CCR6: variants seen among roughly 807,000 people sequenced by gnomAD.
The protein encoded by CCR6 is C-C motif chemokine receptor 6.
In CCR6, 2 loss-of-function variants were observed where a neutral mutation model predicts 3.0. That is an observed-to-expected ratio of 0.66 (90% CI 0.27 to 2.07). The LOEUF is 2.07. CCR6 is among the 30% of genes most tolerant of loss of function. The pLI, the probability that CCR6 is intolerant of heterozygous loss-of-function variation, is 0.14. For missense variants in CCR6, 322 were observed against 462.8 expected, an observed-to-expected ratio of 0.70 and a Z score of 2.79; for synonymous variants, 193 against 184.3, an observed-to-expected ratio of 1.05 and a Z score of -0.38.
chr6:167,115,955 C>T (rs1165918000), intron 1 of CCR6: 4 of 152,132 alleles, frequency 2.6e-5, no homozygotes, highest in African/African-American at 9.7e-5. Context: ...AATTTGAGAC[C>T]TCAAAGAAGA....
intron 1 of CCR6, among the ~76,000 whole-genome samples, chr6:167,114,794 G>A (rs1190809689): frequency 2.0e-5 from 3 of 152,246 alleles, no homozygotes. Context: ...GAGCAGTGCT[G>A]TAAATCCCAG....
upstream of CCR6, among the ~76,000 whole-genome samples, chr6:167,121,310 C>A (rs1781583140): frequency 6.6e-6 from 1 of 152,250 alleles, no homozygotes; most frequent in African/African-American, 2.4e-5. Context: ...AATTAATGTT[C>A]ATTTTTGGTC....
intron 1 of CCR6, chr6:167,126,414 A>T (rs532482465): frequency 6.6e-6 from 1 of 152,398 alleles, no homozygotes; most frequent in African/African-American, 2.4e-5. Context: ...TGCTAGGGGA[A>T]TGGAGGCACT....
intron 1 of CCR6, among the ~76,000 whole-genome samples, chr6:167,114,720 A>G (rs959557204): frequency 6.6e-6 from 1 of 152,190 alleles, no homozygotes; most frequent in African/African-American, 2.4e-5. Context: ...GTAGCAGTTT[A>G]TAAGTCAGTG....
rs150723360 is a variant in CCR6, at chr6:167,125,118, G to GCA, written c.-98+1908_-98+1909dup. Among the ~76,000 whole-genome samples the GCA allele has an allele frequency of 1.1e-3, 161 of 151,104 alleles. 1 individual carries two copies. Among genetic ancestry groups the GCA allele is most frequent in the African/African-American group, 3.6e-3 (148 of 41,162 alleles). ...CATACATACACACACACCGACATATGCACACACACACACATACTCTTATTT... is the reference window on the plus strand; with the variant it reads ...CATACATACACACACACCGACATATGCACACACACACACACATACTCTTATTT... On this transcript the variant is annotated intron_variant, in intron 1 of 2. Transcript: ENST00000341935.
chr6:167,124,313 G>A (rs1781635218), intron 1 of CCR6, among the ~76,000 whole-genome samples: 1 of 149,034 alleles, frequency 6.7e-6, no homozygotes, highest in African/African-American at 2.5e-5. Flanking sequence ...CAAATCACCG[G>A]GGGAAAACAA....
chr6:167,130,976 A>ACTCCTCCCTCTGGGCCC lies in CCR6; in HGVS notation c.-97-5061_-97-5060insTCCTCCCTCTGGGCCCC, dbSNP rs1562559600. Among the ~76,000 whole-genome samples, 98 of 120,768 alleles carry ACTCCTCCCTCTGGGCCC rather than the reference A, an allele frequency of 8.1e-4. 3 individuals are homozygous for ACTCCTCCCTCTGGGCCC. The highest frequency in any genetic ancestry group is 2.8e-3 in the African/African-American group (73 of 26,310). 79.2% of individuals were successfully genotyped at this position (120,768 alleles called of 152,430 possible). Reference sequence around the variant, plus strand: ...CTCCGGGACTCCTCCCTCTGGGACCACCCTCCCTCTGGACCCCCTCCCTTT... The same window carrying ACTCCTCCCTCTGGGCCC: ...CTCCGGGACTCCTCCCTCTGGGACCACTCCTCCCTCTGGGCCCCCCTCCCTCTGGACCCCCTCCCTTT... On this transcript the variant is annotated intron_variant, in intron 1 of 2. Transcript: ENST00000341935.
intron 1 of CCR6, chr6:167,115,815 C>T (rs1450815384): frequency 1.3e-5 from 2 of 152,208 alleles, no homozygotes; most frequent in Admixed American, 1.3e-4. Context: ...TATATTTCTA[C>T]CTCCTTATAC....
intron 1 of CCR6, among the ~76,000 whole-genome samples, chr6:167,133,932 G>GTGTATATA (rs1183741225): frequency 0.014 from 1,501 of 110,244 alleles, 152 homozygotes; most frequent in Non-Finnish European, 0.015. Context: ...ATATATGTGT[G>GTGTATATA]TATATATATA....
rs1183741225 is a variant in CCR6, at chr6:167,133,932, G to GTGTGTA, written c.-97-2105_-97-2104insGTGTAT. ...ATACTATTATATATGATATATGTGT[G>GTGTGTA]TATATATATATATATATATATATAT... On this transcript the variant is annotated intron_variant, in intron 1 of 2. Coordinates refer to ENST00000341935, the MANE Select transcript of CCR6 (RefSeq NM_031409.4). 1.4e-3 allele frequency among the ~76,000 whole-genome samples: 151 copies of GTGTGTA among 110,382 alleles called. 2 individuals are homozygous for GTGTGTA. The highest frequency in any genetic ancestry group is 2.8e-3 in the African/African-American group (64 of 22,878). 72.4% of individuals were successfully genotyped at this position (110,382 alleles called of 152,430 possible). A position where few individuals can be genotyped will look rare whatever the true frequency, so the allele number is the denominator to read the frequency against.
intron 1 of CCR6, among the ~76,000 whole-genome samples, chr6:167,117,415 CTTTTT>C (rs35058463): frequency 9.1e-6 from 1 of 109,894 alleles, no homozygotes; most frequent in Non-Finnish European, 1.8e-5. Flanking sequence ...TTTTTTTTTT[CTTTTT>C]TTTTTTTTTT....
chr6:167,132,535 GTGTGTGTA>G (rs1781784840), intron 1 of CCR6, among the ~76,000 whole-genome samples: 1 of 152,062 alleles, frequency 6.6e-6, no homozygotes, highest in Non-Finnish European at 1.5e-5. Context: ...GTCTGTGTGT[GTGTGTGTA>G]TGTGTGTGTG....
At chr6:167,113,881 C>A (rs780985350) in intron 1 of CCR6, among the ~76,000 whole-genome samples, 6 of 150,296 alleles carry the variant, frequency 4.0e-5, no homozygotes, top group Non-Finnish European at 9.0e-5. Context: ...TTAAAGCACT[C>A]CTATTTTGGG....
intron 1 of CCR6, chr6:167,126,412 G>A (rs954858604): frequency 2.6e-5 from 4 of 152,246 alleles, no homozygotes; most frequent in Non-Finnish European, 4.4e-5. Context: ...TTTGCTAGGG[G>A]AATGGAGGCA....
At position 167,137,631 on chromosome 6, in the gene CCR6, T is replaced by C. The variant is rs139105246; in HGVS notation, c.*276T>C. 1.3e-3 allele frequency: 395 copies of C among 293,586 alleles called. 3 individuals carry two copies. The highest frequency in any genetic ancestry group is 7.5e-3 in the African/African-American group (353 of 47,192). 18.2% of individuals were successfully genotyped at this position (293,586 alleles called of 1,614,324 possible). ...TCACAAAACAGCCTTTGGGAAATGCTGAATTAAAGTGAATTGTTGACAAAT... is the reference window on the plus strand; with the variant it reads ...TCACAAAACAGCCTTTGGGAAATGCCGAATTAAAGTGAATTGTTGACAAAT... On this transcript the variant is annotated 3_prime_UTR_variant, in exon 3 of 3. Coordinates refer to ENST00000341935, the MANE Select transcript of CCR6 (RefSeq NM_031409.4). This position sits in a 1 kb window ranked among gnomAD's most constrained non-coding sequence, Gnocchi z 4.6.
At position 167,125,756 on chromosome 6, in the gene CCR6, C is replaced by T. The variant is rs41411445; in HGVS notation, c.-98+2533C>T. 3.2e-3 allele frequency among the ~76,000 whole-genome samples: 482 copies of T among 152,048 alleles called. 3 individuals are homozygous for T. Among genetic ancestry groups the T allele is most frequent in the African/African-American group, 0.011 (472 of 41,464 alleles). ...TCTTTTCATTTCTAAATGAATTAGC[C>T]AATTAATTATTACTTTCTGAGATAC... On this transcript the variant is annotated intron_variant, in intron 1 of 2. Transcript: ENST00000341935.
chr6:167,125,396 C>T (rs908137925), intron 1 of CCR6, among the ~76,000 whole-genome samples: 10 of 152,220 alleles, frequency 6.6e-5, no homozygotes, highest in African/African-American at 1.9e-4. Flanking sequence ...CTTGGTCCCC[C>T]CAACCCCTGC....
At position 167,138,174 on chromosome 6, in the gene CCR6, C is replaced by T. The variant is rs1781878392; in HGVS notation, c.*819C>T. ...TAGAATAATCTTGCTCACAGCTGTG[C>T]TCTGAGTGCCTAGCGGAGTTCCAGC... On this transcript the variant is annotated 3_prime_UTR_variant, in exon 3 of 3. Coordinates refer to ENST00000341935, the MANE Select transcript of CCR6 (RefSeq NM_031409.4). 1.3e-5 allele frequency: 2 copies of T among 152,336 alleles called. No individual in the cohort carries two copies. 9.4% of individuals were successfully genotyped at this position (152,336 alleles called of 1,614,324 possible).
At chr6:167,122,672 G>GC (rs1338980391), upstream of CCR6, 1 of 152,428 alleles carries the variant, frequency 6.6e-6, no homozygotes, top group Non-Finnish European at 1.5e-5. The surrounding 1 kb of genome is among the most constrained non-coding windows in gnomAD (Gnocchi z 4.2). Flanking sequence ...GGGCTCAGTG[G>GC]CCCTTCTGTG....
Sources: allele counts gnomAD v4.1 joint callset (sites outside exome capture counted in the v4.1 genomes callset), GRCh38; gene constraint gnomAD v4.1.1; non-coding constraint Gnocchi (gnomAD v3.1); transcripts MANE v1.5; gene names NCBI Gene and HGNC (gene_info 2026-07-23, HGNC 2026-07-21).